The following CR1L variants were observed in gnomAD, a reference collection of about 807,000 sequenced individuals.
CR1L encodes complement component receptor 1-like protein.
A neutral mutation model predicts 62.3 loss-of-function variants in CR1L; 59 were observed. The ratio of observed to expected loss-of-function variants is 0.95; its 90% CI spans 0.77 to 1.18. The LOEUF (loss-of-function observed/expected upper bound fraction) is 1.18, where lower values mean the gene tolerates loss of function less well. CR1L is among the 50% of genes most tolerant of loss of function. CR1L has a pLI of 0.00. For synonymous variants in CR1L, 279 were observed against 248.7 expected (o/e 1.12, Z -1.15); for missense variants, 700 against 702.8 (o/e 1.00, Z 0.04).
chr1:207,703,525 C>A (rs1664223401), intron 9 of CR1L, among the ~76,000 whole-genome samples: 4 of 152,234 alleles, frequency 2.6e-5, no homozygotes, highest in Admixed American at 2.0e-4. Context: ...ATGTTACATA[C>A]AGCTCATTGA....
At chr1:207,697,975 GACAC>G (rs368602585) in intron 7 of CR1L, 102 bp downstream of exon 7, 147 of 1,267,248 alleles carry the variant, frequency 1.2e-4, no homozygotes, top group Non-Finnish European at 1.3e-4. Context: ...CAGACAGACA[GACAC>G]ACACACACAC....
At chr1:207,697,482 A>G (rs761072201) in intron 5 of CR1L, 21 bp from the exon 6 acceptor site, 35 of 1,613,620 alleles carry the variant, frequency 2.2e-5, no homozygotes, top group Non-Finnish European at 2.9e-5. Flanking sequence ...AATTAGCAGT[A>G]CTTTGTTTCT....
chr1:207,655,454 A>G (rs140633856), intron 1 of CR1L, among the ~76,000 whole-genome samples: 90 of 152,252 alleles, frequency 5.9e-4, no homozygotes, highest in African/African-American at 2.1e-3. Context: ...TTTTTAAATA[A>G]GTATTGATTC....
Position 207,686,074 on chromosome 1 carries a change from TTCTCCCTC to T in CR1L, c.463+2118_463+2125del, listed in dbSNP as rs1558018720. ...TTCCTTCTTTGCTTGCTTCCTTCCT[TTCTCCCTC>T]CCTTCCTCCCTCCTTTCCTTCCTTC... On this transcript the variant is annotated intron_variant, in intron 4 of 11. Coordinates refer to ENST00000508064, the MANE Select transcript of CR1L (RefSeq NM_175710.2). Among the ~76,000 whole-genome samples the T allele has an allele frequency of 1.5e-4, 11 of 75,254 alleles. No individual in the cohort carries two copies. The South Asian group carries it at 6.9e-3, about 47-fold the overall frequency. The allele number at this position is 75,254 out of a possible 152,430, so 49.4% of individuals were successfully genotyped here.
chr1:207,681,089 A>G (rs1663787846), intron 3 of CR1L, among the ~76,000 whole-genome samples: 1 of 152,188 alleles, frequency 6.6e-6, no homozygotes, highest in Admixed American at 6.5e-5. Context: ...AACCTAAACA[A>G]TTCACAGGAT....
At chr1:207,648,331 T>C (rs1231292514) in intron 1 of CR1L, among the ~76,000 whole-genome samples, 1 of 150,532 alleles carries the variant, frequency 6.6e-6, no homozygotes, top group Non-Finnish European at 1.5e-5. Context: ...ATAACAAAAC[T>C]AAAAATGAAG....
At chr1:207,648,607 A>G (rs1663173125) in intron 1 of CR1L, among the ~76,000 whole-genome samples, 1 of 152,198 alleles carries the variant, frequency 6.6e-6, no homozygotes. Flanking sequence ...ATTTCAGGCC[A>G]GTCTCATTCA....
chr1:207,699,705 G>T, intron 8 of CR1L, among the ~76,000 whole-genome samples: 1 of 150,814 alleles, frequency 6.6e-6, no homozygotes, highest in African/African-American at 2.4e-5. Context: ...GTATATATTT[G>T]ATAATACTCA....
At chr1:207,722,220 T>G (rs1654153562) in intron 11 of CR1L, among the ~76,000 whole-genome samples, 1 of 111,806 alleles carries the variant, frequency 8.9e-6, no homozygotes, top group African/African-American at 3.1e-5. Context: ...GTCAATTTTG[T>G]CTTTTGTTGC....
intron 9 of CR1L, among the ~76,000 whole-genome samples, chr1:207,706,013 G>GTATCTATATATA (rs1553245265): frequency 7.5e-6 from 1 of 133,574 alleles, no homozygotes; most frequent in Non-Finnish European, 1.6e-5. Context: ...GTGTGTGTAT[G>GTATCTATATATA]TATATATATA....
At chr1:207,673,087 A>G (rs1663638450) in intron 1 of CR1L, among the ~76,000 whole-genome samples, 1 of 152,244 alleles carries the variant, frequency 6.6e-6, no homozygotes, top group Non-Finnish European at 1.5e-5. Flanking sequence ...CTGTCAATCT[A>G]ATCACAACTG....
intron 9 of CR1L, among the ~76,000 whole-genome samples, chr1:207,705,704 G>C (rs1664255489): frequency 6.6e-6 from 1 of 152,004 alleles, no homozygotes; most frequent in Non-Finnish European, 1.5e-5. Flanking sequence ...TCCTCATCTT[G>C]CATTGTGGAA....
rs776437165 is a variant in CR1L, at chr1:207,677,436, C to A, written c.145C>A (p.Leu49Ile). ...GCTTCCATTTGCCAGGCCTACCAAC[C>A]TAACTGATGACTTTGAGTTTCCCAT... ...EWLPFARPTNLTDDFEFPIGT... is the reference protein window; with the variant it reads ...EWLPFARPTNITDDFEFPIGT... The change falls in exon 2 of 12, where the codon CTA (leucine) becomes ATA (isoleucine). Residue 49 changes from leucine to isoleucine, a missense_variant. Leu to Ile is a conservative substitution (Grantham distance 5). Transcript: ENST00000508064. 2.5e-6 allele frequency: 4 copies of A among 1,613,414 alleles called. No individual in the cohort carries two copies. In the South Asian group the frequency reaches 4.4e-5, roughly 18 times the overall value.
At chr1:207,712,789 C>G (rs1157171290) in intron 10 of CR1L, among the ~76,000 whole-genome samples, 4 of 152,176 alleles carry the variant, frequency 2.6e-5, no homozygotes, top group Non-Finnish European at 5.9e-5. Flanking sequence ...ACTTCCTGGG[C>G]CAACTCCCTC....
Position 207,645,258 on chromosome 1 carries a change from C to G in CR1L, c.25C>G (p.Arg9Gly). The G allele has an allele frequency of 6.2e-7, 1 of 1,613,556 alleles. No individual in the cohort carries two copies. The highest frequency in any genetic ancestry group is 1.1e-5 in the South Asian group (1 of 91,070). The change falls in exon 1 of 12, where the codon CGT becomes GGT. Residue 9 changes from arginine (R) to glycine (G), a missense_variant. Transcript: ENST00000508064. Reference protein sequence around the residue: MAPPVRLERPFPSRRFPGL... With the variant: MAPPVRLEGPFPSRRFPGL... ...CATGGCGCCTCCCGTCCGTCTCGAGCGTCCCTTTCCTTCCCGGCGCTTTCC... is the reference window on the plus strand; with the variant it reads ...CATGGCGCCTCCCGTCCGTCTCGAGGGTCCCTTTCCTTCCCGGCGCTTTCC...
chr1:207,650,012 G>C (rs1571640389), intron 1 of CR1L, among the ~76,000 whole-genome samples: 1 of 152,116 alleles, frequency 6.6e-6, no homozygotes, highest in Admixed American at 6.5e-5. Flanking sequence ...TTTGGGGGGC[G>C]TGTGTGTGTA....
chr1:207,684,665 G>T (rs893687659), intron 4 of CR1L, among the ~76,000 whole-genome samples: 4 of 152,048 alleles, frequency 2.6e-5, no homozygotes, highest in African/African-American at 9.7e-5. Context: ...ATGGTATTCA[G>T]CCATAAAAAA....
chr1:207,689,537 T>A (rs1379912205), intron 4 of CR1L, among the ~76,000 whole-genome samples: 2 of 152,162 alleles, frequency 1.3e-5, no homozygotes, highest in African/African-American at 4.8e-5. Flanking sequence ...AAAATTTGCA[T>A]TTATGTTCTC....
Position 207,712,888 on chromosome 1 carries a change from G to C in CR1L, c.1415-4576G>C, listed in dbSNP as rs1664380939. Among the ~76,000 whole-genome samples, 2 of 152,218 alleles carry C rather than the reference G, an allele frequency of 1.3e-5. 1 individual carries two copies. Among genetic ancestry groups the C allele is most frequent in the South Asian group, 4.1e-4 (2 of 4,826 alleles). On this transcript the variant is annotated intron_variant, in intron 10 of 11. Coordinates refer to ENST00000508064, the MANE Select transcript of CR1L (RefSeq NM_175710.2). ...AAGGGTGAGTGTGACCCAGTGTTGA[G>C]ACCAAGGACTCAGTGTGGAGAATCA...
Sources: gnomAD v4.1 joint callset for allele counts (sites outside exome capture counted in the v4.1 genomes callset) on GRCh38, gnomAD v4.1.1 for gene constraint, MANE v1.5 for transcripts, NCBI Gene and HGNC (gene_info 2026-07-23, HGNC 2026-07-21) for gene names.